MALRD1: variants seen among roughly 807,000 people sequenced by gnomAD.
The protein encoded by MALRD1 is MAM and LDL-receptor class A domain-containing protein 1.
Under a neutral mutation model 242.1 loss-of-function variants are expected in MALRD1, and 247 were observed. That is an observed-to-expected ratio of 1.02 (90% confidence interval 0.92 to 1.13). The LOEUF (loss-of-function observed/expected upper bound fraction) is 1.13. Among genes scored for constraint, MALRD1 ranks in the 50% most tolerant of loss-of-function variants. The probability of loss-of-function intolerance (pLI) is 0.00; values close to 1 mark genes in which losing one functional copy is unlikely to be tolerated. For synonymous variants in MALRD1, 995 were observed against 866.6 expected (o/e 1.15, Z -2.60); for missense variants, 2,989 against 2,533.1 (o/e 1.18, Z -3.86).
intron 26 of MALRD1, among the ~76,000 whole-genome samples, chr10:19,362,062 G>A (rs894801588): frequency 4.0e-5 from 6 of 151,884 alleles, no homozygotes; most frequent in South Asian, 2.1e-4. Flanking sequence ...TTTTGCCTGC[G>A]TCAGCTTTGT....
intron 36 of MALRD1, among the ~76,000 whole-genome samples, chr10:19,637,932 C>G (rs11010837): frequency 2.0e-5 from 3 of 151,700 alleles, no homozygotes; most frequent in African/African-American, 4.8e-5. Flanking sequence ...GAAACCCCAT[C>G]TCTACTAAAA....
intron 39 of MALRD1, 93 bp from the exon 40 acceptor site, chr10:19,734,064 T>C: frequency 1.1e-6 from 1 of 945,442 alleles, no homozygotes; most frequent in Non-Finnish European, 1.6e-6. Flanking sequence ...GAAAATCCAT[T>C]GGGACCTTTG....
chr10:19,589,654 AT>A lies in MALRD1; in HGVS notation c.5681-5539del, dbSNP rs543252590. ...ACATAAAGAAACAAACAACCCTAAGATATATAATGAGTCATCTTGTCAAAAT... is the reference window on the plus strand; with the variant it reads ...ACATAAAGAAACAAACAACCCTAAGAATATAATGAGTCATCTTGTCAAAAT... On this transcript the variant is annotated intron_variant, in intron 33 of 39. Coordinates refer to ENST00000454679, the MANE Select transcript of MALRD1 (RefSeq NM_001142308.3). Among the ~76,000 whole-genome samples the A allele has an allele frequency of 1.8e-3, 281 of 152,224 alleles. 2 individuals are homozygous for A. Among genetic ancestry groups the A allele is most frequent in the Middle Eastern group, 0.014 (4 of 294 alleles).
chr10:19,687,190 C>G (rs961397251), intron 36 of MALRD1, among the ~76,000 whole-genome samples: 1 of 152,002 alleles, frequency 6.6e-6, no homozygotes, highest in Admixed American at 6.6e-5. Context: ...TGTCTTAGTA[C>G]AAGTATTATT....
intron 36 of MALRD1, among the ~76,000 whole-genome samples, chr10:19,650,663 A>G (rs1034384002): frequency 6.6e-6 from 1 of 152,156 alleles, no homozygotes; most frequent in Non-Finnish European, 1.5e-5. Flanking sequence ...AAAGTAGGAG[A>G]TAGGGAGTTT....
intron 38 of MALRD1, chr10:19,710,332 T>A (rs1834050683): frequency 1.3e-5 from 2 of 152,078 alleles, no homozygotes; most frequent in Admixed American, 1.3e-4. Context: ...GAACCCTTTT[T>A]AAAAAAGTAA....
intron 33 of MALRD1, among the ~76,000 whole-genome samples, chr10:19,585,649 GC>G (rs1320542628): frequency 2.6e-5 from 4 of 151,978 alleles, no homozygotes; most frequent in Non-Finnish European, 5.9e-5. Flanking sequence ...CTTTCTGGCT[GC>G]CCTTAACATT....
At chr10:19,722,901 A>C (rs1012082429) in intron 38 of MALRD1, among the ~76,000 whole-genome samples, 1 of 152,192 alleles carries the variant, frequency 6.6e-6, no homozygotes, top group Non-Finnish European at 1.5e-5. Context: ...GAAAAGCTCT[A>C]GAGGTAGGAG....
At chr10:19,655,454 C>T (rs1249206471) in intron 36 of MALRD1, among the ~76,000 whole-genome samples, 1 of 146,582 alleles carries the variant, frequency 6.8e-6, no homozygotes, top group Non-Finnish European at 1.5e-5. Flanking sequence ...CATCAAAGAG[C>T]CTAGAGATCC....
At chr10:19,297,096 AAT>A (rs1054593502) in intron 21 of MALRD1, among the ~76,000 whole-genome samples, 2 of 149,858 alleles carry the variant, frequency 1.3e-5, no homozygotes, top group Non-Finnish European at 1.5e-5. Flanking sequence ...TTTATATATA[AAT>A]ATATATATAT....
In MALRD1 at chr10:19,065,775, A is replaced by G. The variant is rs79408315; in HGVS notation, c.200-944A>G. 4.5e-3 allele frequency among the ~76,000 whole-genome samples: 688 copies of G among 152,250 alleles called. 18 individuals carry two copies. In the East Asian group the frequency reaches 0.076, roughly 17 times the overall value. Reference sequence around the variant, plus strand: ...GGATCACCCAGAGAAAGAGTCAGAAATGTCTTTATTGTGATTGAAAACACT... The same window carrying G: ...GGATCACCCAGAGAAAGAGTCAGAAGTGTCTTTATTGTGATTGAAAACACT... On this transcript the variant is annotated intron_variant, in intron 1 of 39. Coordinates refer to ENST00000454679, the MANE Select transcript of MALRD1 (RefSeq NM_001142308.3).
chr10:19,246,686 T>C (rs1399694704), intron 18 of MALRD1, among the ~76,000 whole-genome samples: 1 of 152,092 alleles, frequency 6.6e-6, no homozygotes, highest in East Asian at 1.9e-4. Flanking sequence ...ACCCCAGGCA[T>C]AACTGAGATA....
chr10:19,140,120 C>G (rs1254148634), intron 10 of MALRD1, among the ~76,000 whole-genome samples: 1 of 152,034 alleles, frequency 6.6e-6, no homozygotes, highest in Non-Finnish European at 1.5e-5. Flanking sequence ...CTAATATATT[C>G]TCATTAAATG....
At chr10:19,341,959 A>T (rs1843901154) in intron 24 of MALRD1, among the ~76,000 whole-genome samples, 1 of 152,056 alleles carries the variant, frequency 6.6e-6, no homozygotes, top group Non-Finnish European at 1.5e-5. Flanking sequence ...ATGTGTTCAC[A>T]TCTTGACTGC....
chr10:19,459,029 G>T (rs1835807112), intron 29 of MALRD1, among the ~76,000 whole-genome samples: 1 of 152,032 alleles, frequency 6.6e-6, no homozygotes, highest in South Asian at 2.1e-4. Context: ...TACATAAAGA[G>T]ACATTATTTA....
At chr10:19,320,876 T>C (rs1842889510) in intron 21 of MALRD1, among the ~76,000 whole-genome samples, 1 of 152,160 alleles carries the variant, frequency 6.6e-6, no homozygotes, top group Non-Finnish European at 1.5e-5. Flanking sequence ...TGTCTTCTTT[T>C]GAGAAGTGTC....
rs576812975 is a variant in MALRD1, at chr10:19,461,970, A to G, written c.5029+11480A>G. On this transcript the variant is annotated intron_variant, in intron 29 of 39. Transcript: ENST00000454679. ...GCAGGCATCCTTTAGTTTTATTTCT[A>G]AATTCTCTGACCTATCTTGGGTCAA... Among the ~76,000 whole-genome samples the G allele has an allele frequency of 2.0e-5, 3 of 152,266 alleles. No individual in the cohort carries two copies. In the South Asian group the frequency reaches 6.2e-4, roughly 32 times the overall value.
intron 29 of MALRD1, chr10:19,489,231 C>A (rs900783410): frequency 4.2e-6 from 2 of 476,040 alleles, no homozygotes. Flanking sequence ...GCGAAGGATA[C>A]ATCTTAAGAC....
At position 19,408,277 on chromosome 10, in the gene MALRD1, G is replaced by T. The variant is rs1217222516; in HGVS notation, c.4845+18668G>T. 3.9e-5 allele frequency among the ~76,000 whole-genome samples: 6 copies of T among 152,170 alleles called. No homozygotes were observed. The East Asian group carries it at 9.7e-4, about 24-fold the overall frequency. On this transcript the variant is annotated intron_variant, in intron 28 of 39. Transcript: ENST00000454679. ...AGGAATTGGTCAGCAGGCGACAGGT[G>T]CATCTGTAGGTGAAACTGTAGGTTT...
Sources: gnomAD v4.1 joint callset for allele counts (sites outside exome capture counted in the v4.1 genomes callset) on GRCh38, gnomAD v4.1.1 for gene constraint, MANE v1.5 for transcripts, NCBI Gene and HGNC (gene_info 2026-07-23, HGNC 2026-07-21) for gene names.